The following PREX1 variants were observed in gnomAD, a reference collection of about 807,000 sequenced individuals.
PREX1 encodes phosphatidylinositol-3,4,5-trisphosphate dependent Rac exchange factor 1, also known as phosphatidylinositol 3,4,5-trisphosphate-dependent Rac exchanger 1 protein.
PREX1 carries 41 observed loss-of-function variants against 198.3 expected under a neutral mutation model. The observed-to-expected ratio is 0.21, with a 90% CI of 0.16 to 0.27. The LOEUF is 0.27. PREX1 is among the 10% of genes least tolerant of loss of function. The probability of loss-of-function intolerance (pLI) is 1.00; values close to 1 mark genes in which losing one functional copy is unlikely to be tolerated. For synonymous variants in PREX1, 843 were observed against 887.2 expected, an observed-to-expected ratio of 0.95 and a Z score of 0.89; for missense variants, 1,620 against 2,200.7, an observed-to-expected ratio of 0.74 and a Z score of 5.28.
intron 5 of PREX1, among the ~76,000 whole-genome samples, chr20:48,713,871 A>G (rs1245698036): frequency 2.1e-5 from 3 of 146,196 alleles, no homozygotes; most frequent in East Asian, 1.9e-4. Flanking sequence ...AAAAAAAAAA[A>G]AAAAAGAAAA....
At chr20:48,721,220 G>A (rs1471393882) in intron 5 of PREX1, among the ~76,000 whole-genome samples, 1 of 152,218 alleles carries the variant, frequency 6.6e-6, no homozygotes, top group African/African-American at 2.4e-5. Flanking sequence ...TGAGGAAACA[G>A]GCCCATATCC....
At chr20:48,778,547 G>A (rs891444948) in intron 1 of PREX1, among the ~76,000 whole-genome samples, 1 of 151,978 alleles carries the variant, frequency 6.6e-6, no homozygotes, top group Non-Finnish European at 1.5e-5. Flanking sequence ...CCAAGATGGT[G>A]CCACTGTACT....
chr20:48,827,738 C>G lies in PREX1; in HGVS notation c.123G>C (p.Arg41=). The part of the protein sequence containing the change: ...SSGPGPCAAA[R]ESERQLRLRL... ...GGAGGCGCAGCTGGCGCTCGGACTC[C>G]CGGGCGGCCGCGCACGGGCCGGGGC... The change falls in exon 1 of 40, where the codon CGG becomes CGC. Residue 41 remains arginine, a synonymous_variant. Coordinates refer to ENST00000371941, the MANE Select transcript of PREX1 (RefSeq NM_020820.4). This position sits in a 1 kb window ranked among gnomAD's most constrained non-coding sequence, Gnocchi z 4.1. The G allele has an allele frequency of 7.6e-7, 1 of 1,314,548 alleles. No homozygotes were observed. The highest frequency in any genetic ancestry group is 9.8e-7 in the Non-Finnish European group (1 of 1,017,222). 81.4% of individuals were successfully genotyped at this position (1,314,548 alleles called of 1,614,324 possible). A position where few individuals can be genotyped will look rare whatever the true frequency, so the allele number is the denominator to read the frequency against.
At chr20:48,653,326 A>C in intron 20 of PREX1, 35 bp downstream of exon 20, 1 of 1,603,542 alleles carries the variant, frequency 6.2e-7, no homozygotes, top group Non-Finnish European at 8.5e-7. Flanking sequence ...ACTCAGCAGG[A>C]CTTCTTTGAC....
At chr20:48,625,987 T>A (rs2089269215) in intron 39 of PREX1, 60 bp from the exon 40 acceptor site, 1 of 1,438,902 alleles carries the variant, frequency 6.9e-7, no homozygotes, top group African/African-American at 1.5e-5. Context: ...CTATTTGTAT[T>A]ATTTCCATTT....
chr20:48,703,622 A>G (rs1344785325), intron 6 of PREX1, among the ~76,000 whole-genome samples: 1 of 151,962 alleles, frequency 6.6e-6, no homozygotes, highest in Non-Finnish European at 1.5e-5. Flanking sequence ...CAGGCTCCAA[A>G]GGGGAAGTTG....
Position 48,657,192 on chromosome 20 carries a change from G to C in PREX1, c.1975-4C>G. The C allele has an allele frequency of 1.2e-6, 2 of 1,613,498 alleles. No homozygotes were observed. The highest frequency in any genetic ancestry group is 1.7e-6 in the Non-Finnish European group (2 of 1,179,720). On this transcript the variant is annotated splice_region_variant and splice_polypyrimidine_tract_variant and intron_variant, in intron 17 of 39. Transcript: ENST00000371941. Reference sequence around the variant, plus strand: ...TCCCCACCTGCAGGCCAGCCACCTGGGTAGGGACGGCAGAGGACAGACGTG... The same window carrying C: ...TCCCCACCTGCAGGCCAGCCACCTGCGTAGGGACGGCAGAGGACAGACGTG...
chr20:48,745,095 G>T lies in PREX1; in HGVS notation c.344C>A (p.Ala115Asp). The change falls in exon 3 of 40, where the codon GCC (alanine) becomes GAC (aspartate). Residue 115 changes from alanine (A) to aspartate (D), a missense_variant. Physicochemically the swap from Ala to Asp is moderately radical, Grantham distance 126. Coordinates refer to ENST00000371941, the MANE Select transcript of PREX1 (RefSeq NM_020820.4). ...DILEVHKDFL[A>D]ALEYCLHPEP... ...CGGGTGTAAACAATACTCCAAGGCG[G>T]CCAAGAAATCCTTATGAACTTCCAG... 1.9e-6 allele frequency: 3 copies of T among 1,614,148 alleles called. No individual in the cohort carries two copies. The highest frequency in any genetic ancestry group is 2.5e-6 in the Non-Finnish European group (3 of 1,180,000).
intron 1 of PREX1, among the ~76,000 whole-genome samples, chr20:48,816,506 C>T (rs1023513379): frequency 5.3e-5 from 8 of 152,142 alleles, no homozygotes; most frequent in Admixed American, 6.5e-5. Context: ...CCTTAAAAGA[C>T]GCCTGCGGGG....
At chr20:48,885,775 T>C in the PREX1 span, among the ~76,000 whole-genome samples, 1 of 152,158 alleles carries the variant, frequency 6.6e-6, no homozygotes, top group Non-Finnish European at 1.5e-5. Context: ...GAAACTTAAA[T>C]GCATATTACT....
rs146491009 is a variant in PREX1 at position 48,663,939 on chromosome 20, A to G, written c.1738+2344T>C. Among the ~76,000 whole-genome samples, 138 of 152,140 alleles carry G rather than the reference A, an allele frequency of 9.1e-4. 1 individual carries two copies. The East Asian group carries it at 0.022, about 25-fold the overall frequency. Reference sequence around the variant, plus strand: ...ACACACACACACACACGGGACTGTTATCTGTCCTGGTCATCACACTCTGCT... The same window carrying G: ...ACACACACACACACACGGGACTGTTGTCTGTCCTGGTCATCACACTCTGCT... On this transcript the variant is annotated intron_variant, in intron 15 of 39. Transcript: ENST00000371941.
At chr20:48,863,491 GT>G in the PREX1 span, among the ~76,000 whole-genome samples, 328 of 144,160 alleles carry the variant, frequency 2.3e-3, 9 homozygotes, top group East Asian at 0.051. Context: ...GTTTTGTGGG[GT>G]TTTTTTGTTT....
At chr20:48,651,604 C>T in intron 21 of PREX1, 21 bp from the exon 22 acceptor site, 1 of 1,607,954 alleles carries the variant, frequency 6.2e-7, no homozygotes, top group Non-Finnish European at 8.5e-7. Flanking sequence ...AAAGAGGTGA[C>T]ATCTGAGCAG....
At chr20:48,677,884 G>A (rs1220251060) in intron 13 of PREX1, among the ~76,000 whole-genome samples, 1 of 151,880 alleles carries the variant, frequency 6.6e-6, no homozygotes, top group Non-Finnish European at 1.5e-5. Flanking sequence ...TACTCGGGAG[G>A]CTGATGCAGG....
the PREX1 span, among the ~76,000 whole-genome samples, chr20:48,867,128 C>T: frequency 6.6e-6 from 1 of 152,224 alleles, no homozygotes; most frequent in African/African-American, 2.4e-5. Context: ...AGGCCTCCTG[C>T]TCCCCAGCCC....
chr20:48,806,289 G>A (rs2090411525), intron 1 of PREX1, among the ~76,000 whole-genome samples: 2 of 152,124 alleles, frequency 1.3e-5, no homozygotes, highest in African/African-American at 4.8e-5. Flanking sequence ...TCTAGGGCCT[G>A]GATTTGAACT....
At chr20:48,781,580 TC>T (rs1485068732) in intron 1 of PREX1, among the ~76,000 whole-genome samples, 1 of 150,050 alleles carries the variant, frequency 6.7e-6, no homozygotes. Flanking sequence ...CAGAGAAGAG[TC>T]CCCAAGTCAG....
At chr20:48,774,875 C>T (rs558689362) in intron 1 of PREX1, among the ~76,000 whole-genome samples, 2 of 152,396 alleles carry the variant, frequency 1.3e-5, no homozygotes, top group Admixed American at 6.5e-5. Context: ...AAACGCACAG[C>T]CTCAGCCTGC....
chr20:48,732,250 G>A (rs1161042260), intron 4 of PREX1, among the ~76,000 whole-genome samples: 1 of 152,166 alleles, frequency 6.6e-6, no homozygotes, highest in African/African-American at 2.4e-5. Context: ...CTGCCAATTT[G>A]CCCTTCCTCA....
Sources: allele counts gnomAD v4.1 joint callset (sites outside exome capture counted in the v4.1 genomes callset), GRCh38; gene constraint gnomAD v4.1.1; non-coding constraint Gnocchi (gnomAD v3.1); transcripts MANE v1.5; gene names NCBI Gene and HGNC (gene_info 2026-07-23, HGNC 2026-07-21).